MRPL34: variants seen among roughly 807,000 people sequenced by gnomAD.
The protein encoded by MRPL34 is mitochondrial ribosomal protein L34.
MRPL34 carries 8 observed loss-of-function variants against 6.7 expected under a neutral mutation model. The observed-to-expected ratio is 1.20, with a 90% CI of 0.70 to 2.16. The LOEUF is 2.16. Among genes scored for constraint, MRPL34 ranks in the 30% most tolerant of loss-of-function variants. The probability of loss-of-function intolerance (pLI) is 0.00; values close to 1 mark genes in which losing one functional copy is unlikely to be tolerated. For synonymous variants in MRPL34, 59 were observed against 55.1 expected (o/e 1.07, Z -0.31); for missense variants, 146 against 125.5 (o/e 1.16, Z -0.78).
chr19:17,295,261 G>A (rs540590711), intron 1 of MRPL34, among the ~76,000 whole-genome samples: 5 of 149,922 alleles, frequency 3.3e-5, no homozygotes, highest in African/African-American at 1.2e-4. Flanking sequence ...GCCCGCCACC[G>A]CGCCCGGCTA....
At chr19:17,301,595 C>A (rs552233794), upstream of MRPL34, 5 of 1,565,148 alleles carry the variant, frequency 3.2e-6, no homozygotes, top group South Asian at 3.5e-5. Context: ...CAGAAGATAC[C>A]GTCGGTCACC....
chr19:17,301,244 C>A, upstream of MRPL34: 1 of 1,595,048 alleles, frequency 6.3e-7, no homozygotes, highest in Non-Finnish European at 8.5e-7. Flanking sequence ...TCGCTGCCCG[C>A]CGGATCTGCC....
At chr19:17,306,059 A>G in intron 1 of MRPL34, 102 bp downstream of exon 1, 2 of 1,542,468 alleles carry the variant, frequency 1.3e-6, no homozygotes, top group Middle Eastern at 1.9e-4. Flanking sequence ...TGCCTTGCGC[A>G]TTTTGCAGCC....
At chr19:17,300,395 G>T (rs2074112052), upstream of MRPL34, among the ~76,000 whole-genome samples, 1 of 151,852 alleles carries the variant, frequency 6.6e-6, no homozygotes, top group African/African-American at 2.4e-5. Context: ...GTAGAGCTAG[G>T]GGGTTCTCCC....
chr19:17,297,703 C>G (rs1212032407), intron 1 of MRPL34: 2 of 150,836 alleles, frequency 1.3e-5, no homozygotes, highest in Admixed American at 6.6e-5. Context: ...AGTCTAGATT[C>G]CTTTCTTTTA....
chr19:17,296,238 A>T (rs1361957997), intron 1 of MRPL34: 1 of 151,226 alleles, frequency 6.6e-6, no homozygotes, highest in Non-Finnish European at 1.5e-5. Context: ...ATTTTTGTAG[A>T]GATGGGGGTC....
chr19:17,294,887 C>T (rs752970908), intron 1 of MRPL34: 14 of 1,598,590 alleles, frequency 8.8e-6, no homozygotes, highest in East Asian at 2.3e-5. Context: ...TGAAGGGAGG[C>T]GGTCAGCAGG....
intron 1 of MRPL34, chr19:17,297,616 G>A (rs1452297131): frequency 1.3e-5 from 2 of 151,864 alleles, no homozygotes; most frequent in Admixed American, 1.3e-4. Flanking sequence ...TTTAATTAGA[G>A]GAATCATTTC....
In MRPL34 at chr19:17,294,232, T is replaced by C. The variant is rs935195782; in HGVS notation, c.214+1378T>C. The C allele has an allele frequency of 1.9e-6, 3 of 1,565,478 alleles. No individual in the cohort carries two copies. The East Asian group carries it at 6.8e-5, about 36-fold the overall frequency. ...ACGCCCCCCGCAGAGGCCACGCCCC[T>C]CCCGGGCAGCACCCTGGGGATTTGT... On this transcript the variant is annotated intron_variant, in intron 1 of 2. Coordinates refer to the MRPL34 transcript ENST00000595444.
chr19:17,293,462 G>C (rs548219064), intron 1 of MRPL34, among the ~76,000 whole-genome samples: 1 of 45,220 alleles, frequency 2.2e-5, no homozygotes, highest in East Asian at 4.1e-4. Flanking sequence ...TTGCTGGGGG[G>C]GCGGGGGTGG....
chr19:17,301,671 C>T, upstream of MRPL34: 1 of 1,485,192 alleles, frequency 6.7e-7, no homozygotes, highest in Non-Finnish European at 8.9e-7. Context: ...TCAATGAGAA[C>T]CCTGCACCGT....
At chr19:17,301,184 C>T (rs1427781814), upstream of MRPL34, 1 of 1,605,372 alleles carries the variant, frequency 6.2e-7, no homozygotes. Context: ...CGCCGCCCAC[C>T]ACTGCCACTG....
upstream of MRPL34, chr19:17,300,787 G>A (rs2074113723): frequency 1.3e-6 from 2 of 1,506,652 alleles, no homozygotes; most frequent in South Asian, 2.7e-5. Context: ...CAAAAACTCA[G>A]TATTTTGTGA....
upstream of MRPL34, among the ~76,000 whole-genome samples, chr19:17,299,243 C>CG (rs1375616961): frequency 4.0e-5 from 6 of 148,752 alleles, no homozygotes; most frequent in African/African-American, 1.3e-4. Context: ...GACCCCCCCC[C>CG]CATTCTCTAT....
At chr19:17,301,156 G>C (rs981703441), upstream of MRPL34, 3 of 1,611,180 alleles carry the variant, frequency 1.9e-6, no homozygotes, top group African/African-American at 4.0e-5. Context: ...GGTCCTCTTG[G>C]GGCGCCTGGC....
chr19:17,294,465 C>T, intron 1 of MRPL34: 1 of 1,614,178 alleles, frequency 6.2e-7, no homozygotes, highest in Non-Finnish European at 8.5e-7. Flanking sequence ...CCTCCTTTAA[C>T]AGCTGCTTCT....
At position 17,293,098 on chromosome 19, in the gene MRPL34, C is replaced by CTT. The variant is rs71334701; in HGVS notation, c.214+258_214+259dup. On this transcript the variant is annotated intron_variant, in intron 1 of 2. Transcript: ENST00000595444. ...ATTTTCTTCTTTTTTTCTTTTCTTT[C>CTT]TTTTTTTTTTTTTTTGAGACAGAGT... Among the ~76,000 whole-genome samples the CTT allele has an allele frequency of 4.2e-3, 575 of 136,006 alleles. 6 individuals carry two copies. Among genetic ancestry groups the CTT allele is most frequent in the Non-Finnish European group, 6.5e-3 (413 of 63,648 alleles). 89.2% of individuals were successfully genotyped at this position (136,006 alleles called of 152,430 possible). A position where few individuals can be genotyped will look rare whatever the true frequency, so the allele number is the denominator to read the frequency against.
At chr19:17,300,052 C>A (rs1476958684), upstream of MRPL34, among the ~76,000 whole-genome samples, 3 of 151,360 alleles carry the variant, frequency 2.0e-5, no homozygotes, top group South Asian at 2.1e-4. Flanking sequence ...CTATAGGTGC[C>A]CACCACCACA....
intron 1 of MRPL34, chr19:17,294,326 T>C (rs1449590839): frequency 6.2e-7 from 1 of 1,611,186 alleles, no homozygotes; most frequent in Non-Finnish European, 8.5e-7. Context: ...GGCACAAACT[T>C]ATCGTGCATG....
Sources: allele counts gnomAD v4.1 joint callset (sites outside exome capture counted in the v4.1 genomes callset), GRCh38; gene constraint gnomAD v4.1.1; transcripts MANE v1.5; gene names NCBI Gene and HGNC (gene_info 2026-07-23, HGNC 2026-07-21).